The following JAZF1 variants were observed in gnomAD, a reference collection of about 807,000 sequenced individuals.
JAZF1 encodes juxtaposed with another zinc finger protein 1.
In JAZF1, 8 loss-of-function variants were observed where a neutral mutation model predicts 26.4. That is an observed-to-expected ratio of 0.30 (90% CI 0.18 to 0.55). JAZF1 has a LOEUF of 0.55. Among genes scored for constraint, JAZF1 ranks in the 20% least tolerant of loss-of-function variants. The probability of loss-of-function intolerance (pLI) is 0.94; values close to 1 mark genes in which losing one functional copy is unlikely to be tolerated. For synonymous variants in JAZF1, 126 were observed against 122.3 expected, an observed-to-expected ratio of 1.03 and a Z score of -0.20; for missense variants, 199 against 322.0, an observed-to-expected ratio of 0.62 and a Z score of 2.92.
chr7:27,963,567 C>CA (rs1046775013), intron 2 of JAZF1, among the ~76,000 whole-genome samples: 6 of 106,248 alleles, frequency 5.6e-5, no homozygotes, highest in Admixed American at 9.2e-5. Flanking sequence ...TTCCCCCCCC[C>CA]CCTTTTTTTT....
chr7:27,915,769 A>C (rs1784436554), intron 2 of JAZF1, among the ~76,000 whole-genome samples: 1 of 152,240 alleles, frequency 6.6e-6, no homozygotes, highest in Non-Finnish European at 1.5e-5. Context: ...TGAAAAGGGC[A>C]GTAAATATAT....
At chr7:28,140,445 A>C (rs954355169) in intron 1 of JAZF1, among the ~76,000 whole-genome samples, 2 of 152,182 alleles carry the variant, frequency 1.3e-5, no homozygotes, top group African/African-American at 4.8e-5. Context: ...AGGTGTCAAA[A>C]TATGAGGAAG....
chr7:28,161,070 A>AG (rs1783277834), intron 1 of JAZF1, among the ~76,000 whole-genome samples: 1 of 152,108 alleles, frequency 6.6e-6, no homozygotes, highest in South Asian at 2.1e-4. Flanking sequence ...AGCACTCTGT[A>AG]GCTCAGCTTC....
At chr7:27,851,395 CA>C (rs1323561890) in intron 3 of JAZF1, among the ~76,000 whole-genome samples, 1 of 152,130 alleles carries the variant, frequency 6.6e-6, no homozygotes, top group Non-Finnish European at 1.5e-5. Flanking sequence ...CACACCTGTT[CA>C]CACACACTTT....
intron 1 of JAZF1, among the ~76,000 whole-genome samples, chr7:28,011,326 C>G (rs770879787): frequency 3.2e-4 from 49 of 152,142 alleles, no homozygotes; most frequent in Non-Finnish European, 5.1e-4. Context: ...CTAATGAAGT[C>G]TAGGTTTAAA....
chr7:28,170,335 ATATGTGTGTGTGTGTG>A (rs1228533790), intron 1 of JAZF1, among the ~76,000 whole-genome samples: 3,159 of 140,078 alleles, frequency 0.023, 69 homozygotes, highest in African/African-American at 0.059. Flanking sequence ...AGAGAAGTTG[ATATGTGTGTGTGTGTG>A]TGTGTGTGTG....
intron 2 of JAZF1, among the ~76,000 whole-genome samples, chr7:27,923,749 G>A (rs1361523318): frequency 1.3e-5 from 2 of 152,164 alleles, no homozygotes; most frequent in African/African-American, 2.4e-5. Context: ...TTTGCATATC[G>A]TCAGCACAGG....
intron 3 of JAZF1, among the ~76,000 whole-genome samples, chr7:27,870,171 C>A (rs1335123713): frequency 6.6e-6 from 1 of 151,142 alleles, no homozygotes; most frequent in Non-Finnish European, 1.5e-5. Flanking sequence ...ATGATCCACC[C>A]ACCTCAGCCT....
intron 2 of JAZF1, among the ~76,000 whole-genome samples, chr7:27,938,546 C>T (rs1397425560): frequency 6.6e-6 from 1 of 152,188 alleles, no homozygotes; most frequent in Admixed American, 6.5e-5. Flanking sequence ...GCCTCAGTTA[C>T]CTCATGTGTG....
intron 3 of JAZF1, among the ~76,000 whole-genome samples, chr7:27,886,379 C>T (rs1279361821): frequency 2.0e-5 from 3 of 152,184 alleles, no homozygotes; most frequent in African/African-American, 7.2e-5. Flanking sequence ...TGCATACCAC[C>T]TTTAGTCAAC....
chr7:27,907,012 T>C (rs1454248982), intron 2 of JAZF1, among the ~76,000 whole-genome samples: 1 of 152,142 alleles, frequency 6.6e-6, no homozygotes, highest in African/African-American at 2.4e-5. Flanking sequence ...GATGCGTAAC[T>C]TTCCCCATAA....
chr7:28,139,706 T>C (rs77423831), intron 1 of JAZF1, among the ~76,000 whole-genome samples: 11 of 151,982 alleles, frequency 7.2e-5, no homozygotes, highest in African/African-American at 2.7e-4. Context: ...GTTATTGTAG[T>C]CCCAGGAAAC....
chr7:27,967,669 TTGATAAATTCC>T (rs1235418753), intron 2 of JAZF1, among the ~76,000 whole-genome samples: 7 of 152,246 alleles, frequency 4.6e-5, no homozygotes, highest in Non-Finnish European at 1.5e-5. Context: ...ATCTTATTTG[TTGATAAATTCC>T]TGGTGCTATT....
chr7:27,870,076 T>TTA (rs1491261050), intron 3 of JAZF1, among the ~76,000 whole-genome samples: 22 of 20,180 alleles, frequency 1.1e-3, no homozygotes, highest in Non-Finnish European at 2.2e-3. Context: ...ACCCGGTTAA[T>TTA]TTTTTTTTTT....
rs549964809 is a variant in JAZF1, at chr7:28,137,192, G to A, written c.115+43271C>T. Among the ~76,000 whole-genome samples, 4 of 152,330 alleles carry A rather than the reference G, an allele frequency of 2.6e-5. No homozygotes were observed. In the East Asian group the frequency reaches 7.7e-4, roughly 29 times the overall value. On this transcript the variant is annotated intron_variant, in intron 1 of 4. Transcript: ENST00000283928. The stretch of plus-strand genomic sequence containing the variant: ...CCTGCAGAGAACTGCGGTGCTGTTT[G>A]GCCTCTGAGGCTCAGTAAGCATCTG...
intron 2 of JAZF1, among the ~76,000 whole-genome samples, chr7:27,917,640 G>A (rs1218432644): frequency 6.6e-6 from 1 of 152,174 alleles, no homozygotes; most frequent in Non-Finnish European, 1.5e-5. Context: ...TCTTCTACAT[G>A]GTCTTTGCAG....
At chr7:28,147,535 A>T (rs1198639869) in intron 1 of JAZF1, among the ~76,000 whole-genome samples, 2 of 151,614 alleles carry the variant, frequency 1.3e-5, no homozygotes, top group Non-Finnish European at 2.9e-5. Context: ...CTTCCAAGAC[A>T]TCTGGAAAAT....
At chr7:28,048,882 G>A (rs1357079189) in intron 1 of JAZF1, among the ~76,000 whole-genome samples, 1 of 152,072 alleles carries the variant, frequency 6.6e-6, no homozygotes. Context: ...AACATGCTAA[G>A]GAAAAGAAGC....
At chr7:27,932,334 T>C (rs1784698900) in intron 2 of JAZF1, among the ~76,000 whole-genome samples, 1 of 152,218 alleles carries the variant, frequency 6.6e-6, no homozygotes, top group South Asian at 2.1e-4. Context: ...AGTAGCATAA[T>C]CTTGGCTCTA....
Sources: allele counts gnomAD v4.1 joint callset (sites outside exome capture counted in the v4.1 genomes callset), GRCh38; gene constraint gnomAD v4.1.1; transcripts MANE v1.5; gene names NCBI Gene and HGNC (gene_info 2026-07-23, HGNC 2026-07-21).